The following APPL2 variants were observed in gnomAD, a reference collection of about 807,000 sequenced individuals.
APPL2 encodes the protein adaptor protein, phosphotyrosine interacting with PH domain and leucine zipper 2, also known as DCC-interacting protein 13-beta.
APPL2 carries 84 observed loss-of-function variants against 92.7 expected under a neutral mutation model. That is an observed-to-expected ratio of 0.91 (90% CI 0.76 to 1.09). The LOEUF (loss-of-function observed/expected upper bound fraction) is 1.09. Among genes scored for constraint, APPL2 ranks in the 50% least tolerant of loss-of-function variants. The probability of loss-of-function intolerance (pLI) is 0.00; values close to 1 mark genes in which losing one functional copy is unlikely to be tolerated. For synonymous variants in APPL2, 291 were observed against 291.0 expected, an observed-to-expected ratio of 1.00 and a Z score of 0.00; for missense variants, 736 against 824.5, an observed-to-expected ratio of 0.89 and a Z score of 1.31.
At chr12:105,192,001 C>T (rs767591908) in intron 14 of APPL2, among the ~76,000 whole-genome samples, 2 of 152,148 alleles carry the variant, frequency 1.3e-5, no homozygotes, top group Non-Finnish European at 2.9e-5. Flanking sequence ...TTTCTTTGCA[C>T]TCCAGACCTG....
intron 14 of APPL2, among the ~76,000 whole-genome samples, chr12:105,191,994 C>T (rs909713503): frequency 6.6e-6 from 1 of 152,158 alleles, no homozygotes; most frequent in African/African-American, 2.4e-5. Context: ...CAGACGTTTT[C>T]TTTGCACTCC....
intron 9 of APPL2, among the ~76,000 whole-genome samples, chr12:105,201,536 G>A (rs1160449516): frequency 6.6e-6 from 1 of 152,048 alleles, no homozygotes; most frequent in Non-Finnish European, 1.5e-5. Flanking sequence ...GTGGCTTCTT[G>A]CGTACAACTC....
intron 15 of APPL2, 57 bp downstream of exon 15, chr12:105,189,934 C>G: frequency 6.2e-7 from 1 of 1,611,606 alleles, no homozygotes; most frequent in Non-Finnish European, 8.5e-7. Context: ...GAGGGGGACA[C>G]AAGATACCTC....
chr12:105,183,801 C>A (rs1208588154), intron 17 of APPL2, among the ~76,000 whole-genome samples: 1 of 152,114 alleles, frequency 6.6e-6, no homozygotes, highest in Non-Finnish European at 1.5e-5. Flanking sequence ...TGAATGTTGG[C>A]TTGTCTTGCT....
intron 14 of APPL2, among the ~76,000 whole-genome samples, chr12:105,191,989 G>C (rs571093340): frequency 7.2e-5 from 11 of 152,064 alleles, no homozygotes; most frequent in Non-Finnish European, 4.4e-5. Context: ...CAGACCAGAC[G>C]TTTTCTTTGC....
At chr12:105,212,445 C>T (rs1217287688) in intron 4 of APPL2, among the ~76,000 whole-genome samples, 2 of 152,244 alleles carry the variant, frequency 1.3e-5, no homozygotes, top group Admixed American at 1.3e-4. Context: ...CACCACTTTA[C>T]AGACATGCAA....
At chr12:105,175,075 G>T (rs559343606) in intron 20 of APPL2, among the ~76,000 whole-genome samples, 37 of 152,220 alleles carry the variant, frequency 2.4e-4, no homozygotes, top group African/African-American at 7.2e-4. Flanking sequence ...GTAGAGATGG[G>T]GTTTCACCAT....
chr12:105,208,999 T>C (rs527982237), intron 5 of APPL2, among the ~76,000 whole-genome samples: 1 of 152,262 alleles, frequency 6.6e-6, no homozygotes, highest in African/African-American at 2.4e-5. Context: ...AGCTTTTAAA[T>C]GCTCTTCGCG....
intron 14 of APPL2, among the ~76,000 whole-genome samples, chr12:105,193,240 A>T (rs1002323832): frequency 1.3e-5 from 2 of 152,180 alleles, no homozygotes; most frequent in Non-Finnish European, 2.9e-5. Flanking sequence ...ATAGGCTGCA[A>T]ATTGTCTTTT....
intron 18 of APPL2, 68 bp downstream of exon 18, chr12:105,177,156 CTG>C: frequency 1.2e-6 from 2 of 1,600,150 alleles, no homozygotes; most frequent in Non-Finnish European, 1.7e-6. Context: ...AGTGCCTAGG[CTG>C]TGTTTAAGGT....
At chr12:105,226,139 G>GAAATAT (rs1292678264) in intron 2 of APPL2, among the ~76,000 whole-genome samples, 7 of 152,112 alleles carry the variant, frequency 4.6e-5, no homozygotes, top group African/African-American at 1.4e-4. Context: ...AAAACACTGA[G>GAAATAT]AAATATACTA....
intron 11 of APPL2, among the ~76,000 whole-genome samples, chr12:105,196,284 C>G (rs938052417): frequency 6.6e-6 from 1 of 151,986 alleles, no homozygotes; most frequent in African/African-American, 2.4e-5. Context: ...GGACTCCAAG[C>G]CCAGCCACTC....
intron 17 of APPL2, among the ~76,000 whole-genome samples, chr12:105,187,676 C>A (rs556874743): frequency 6.6e-6 from 1 of 152,244 alleles, no homozygotes; most frequent in South Asian, 2.1e-4. Flanking sequence ...TGTGATTAAC[C>A]TAAAAAATTA....
intron 14 of APPL2, among the ~76,000 whole-genome samples, chr12:105,192,377 A>G (rs1439113073): frequency 6.6e-6 from 1 of 152,136 alleles, no homozygotes; most frequent in African/African-American, 2.4e-5. Context: ...GAGAGTGGGT[A>G]TCTCTGTCTC....
chr12:105,188,008 GCT>G (rs1484916116), intron 17 of APPL2, among the ~76,000 whole-genome samples: 1 of 151,122 alleles, frequency 6.6e-6, no homozygotes, highest in Non-Finnish European at 1.5e-5. Context: ...CCATTTTCAA[GCT>G]CTGAGCTATA....
chr12:105,176,762 A>G, intron 19 of APPL2, 114 bp downstream of exon 19: 1 of 1,359,454 alleles, frequency 7.4e-7, no homozygotes, highest in Non-Finnish European at 1.0e-6. Context: ...GAACTCCTGG[A>G]TGGAGACATG....
chr12:105,173,492 G>A lies in APPL2; in HGVS notation c.*822C>T, dbSNP rs1885184807. On this transcript the variant is annotated 3_prime_UTR_variant, in exon 21 of 21. Coordinates refer to ENST00000258530, the MANE Select transcript of APPL2 (RefSeq NM_018171.5). ...GGTGGAAATAGGAACTTTATACCAA[G>A]CCCCATGACCAGCTGTGCTTCAAGT... 6.6e-6 allele frequency: 1 copy of A among 152,594 alleles called. No homozygotes were observed. Among genetic ancestry groups the A allele is most frequent in the East Asian group, 1.9e-4 (1 of 5,198 alleles). The allele number at this position is 152,594 out of a possible 1,614,324, so 9.5% of individuals were successfully genotyped here. A position where few individuals can be genotyped will look rare whatever the true frequency, so the allele number is the denominator to read the frequency against.
chr12:105,232,678 C>T (rs1055993731), intron 1 of APPL2, among the ~76,000 whole-genome samples: 9 of 147,780 alleles, frequency 6.1e-5, no homozygotes, highest in Non-Finnish European at 1.3e-4. Context: ...GTGGGAGGAT[C>T]GCTTGAGCCC....
At chr12:105,229,026 A>T (rs961513890) in intron 2 of APPL2, 99 bp downstream of exon 2, 1 of 1,011,888 alleles carries the variant, frequency 9.9e-7, no homozygotes, top group Non-Finnish European at 1.5e-6. Flanking sequence ...ATCTTAAATG[A>T]TGTTTTTCGG....
Sources: gnomAD v4.1 joint callset for allele counts (sites outside exome capture counted in the v4.1 genomes callset) on GRCh38, gnomAD v4.1.1 for gene constraint, MANE v1.5 for transcripts, NCBI Gene and HGNC (gene_info 2026-07-23, HGNC 2026-07-21) for gene names.